Variants in CMTM7 observed in about 807,000 individuals in gnomAD.
CMTM7 encodes CKLF-like MARVEL transmembrane domain-containing protein 7.
CMTM7 carries 7 observed loss-of-function variants against 19.3 expected under a neutral mutation model. The observed-to-expected ratio is 0.36, with a 90% CI of 0.21 to 0.68. CMTM7 has a LOEUF of 0.68. Among genes scored for constraint, CMTM7 ranks in the 30% least tolerant of loss-of-function variants. The probability of loss-of-function intolerance (pLI) is 0.60; values close to 1 mark genes in which losing one functional copy is unlikely to be tolerated. For synonymous variants in CMTM7, 87 were observed against 99.3 expected (o/e 0.88, Z 0.74); for missense variants, 193 against 232.6 (o/e 0.83, Z 1.11).
rs185376456 is a variant in CMTM7 at position 32,446,687 on chromosome 3, C to G, written c.334-2767C>G. On this transcript the variant is annotated intron_variant, in intron 2 of 4. Transcript: ENST00000334983. ...ATGGGGGCAGATCCCTTGTGAATGA[C>G]TTGGTGCTGTTCTAGTGGTAATAAG... is the stretch of plus-strand genomic sequence containing the variant. 3.2e-4 allele frequency among the ~76,000 whole-genome samples: 48 copies of G among 152,218 alleles called. No individual in the cohort carries two copies. The East Asian group carries it at 8.3e-3, about 26-fold the overall frequency.
chr3:32,421,328 C>T (rs1286424733), intron 1 of CMTM7, among the ~76,000 whole-genome samples: 1 of 152,196 alleles, frequency 6.6e-6, no homozygotes, highest in Non-Finnish European at 1.5e-5. Flanking sequence ...CACCCCATCC[C>T]GCCAGCTTTG....
At chr3:32,396,090 T>C (rs1372975163) in intron 1 of CMTM7, among the ~76,000 whole-genome samples, 2 of 152,076 alleles carry the variant, frequency 1.3e-5, no homozygotes, top group African/African-American at 4.8e-5. Context: ...AATAGGCAAA[T>C]GCGTAGACAC....
At chr3:32,437,574 G>A (rs966918029) in intron 1 of CMTM7, among the ~76,000 whole-genome samples, 2 of 151,856 alleles carry the variant, frequency 1.3e-5, no homozygotes, top group Non-Finnish European at 1.5e-5. Flanking sequence ...TCCAGCCTGG[G>A]TGACAGAGTG....
At position 32,394,937 on chromosome 3, in the gene CMTM7, G is replaced by A. The variant is rs957052484; in HGVS notation, c.159+2872G>A. ...TCTTGATCTCTTGACCTCATGATCC[G>A]CCCCCGCCTCTGCCTCCCAAAGCGC... On this transcript the variant is annotated intron_variant, in intron 1 of 4. Transcript: ENST00000334983. Among the ~76,000 whole-genome samples, 9 of 151,244 alleles carry A rather than the reference G, an allele frequency of 6.0e-5. No individual in the cohort carries two copies. In the South Asian group the frequency reaches 1.7e-3, roughly 28 times the overall value.
chr3:32,450,688 G>A (rs1696816612), intron 3 of CMTM7, among the ~76,000 whole-genome samples: 1 of 152,152 alleles, frequency 6.6e-6, no homozygotes, highest in Non-Finnish European at 1.5e-5. Context: ...GTTGCCCCCT[G>A]AAGCTTAACA....
intron 1 of CMTM7, among the ~76,000 whole-genome samples, chr3:32,409,029 G>A (rs1041112488): frequency 6.6e-6 from 1 of 151,932 alleles, no homozygotes; most frequent in South Asian, 2.1e-4. Context: ...CTACAGTCAC[G>A]CGCCACCATG....
intron 1 of CMTM7, among the ~76,000 whole-genome samples, chr3:32,411,104 G>A (rs1238324171): frequency 6.6e-6 from 1 of 152,188 alleles, no homozygotes; most frequent in South Asian, 2.1e-4. Flanking sequence ...TGTGTCAGCC[G>A]CAGGGGATAC....
chr3:32,424,605 C>G (rs1696399028), intron 1 of CMTM7, among the ~76,000 whole-genome samples: 1 of 151,652 alleles, frequency 6.6e-6, no homozygotes, highest in African/African-American at 2.4e-5. Context: ...CCTCTTGCCC[C>G]CTCTCCCAGA....
At chr3:32,419,837 C>G (rs562559498) in intron 1 of CMTM7, among the ~76,000 whole-genome samples, 1 of 152,176 alleles carries the variant, frequency 6.6e-6, no homozygotes, top group Non-Finnish European at 1.5e-5. Flanking sequence ...GTTAATGACT[C>G]AACCCACTTT....
intron 1 of CMTM7, among the ~76,000 whole-genome samples, chr3:32,394,985 C>T (rs1695894236): frequency 2.0e-5 from 3 of 151,580 alleles, no homozygotes; most frequent in South Asian, 2.1e-4. Flanking sequence ...TGTGAGCTGC[C>T]GCGCTCGGCT....
Position 32,449,704 on chromosome 3 carries a change from G to A in CMTM7, c.432+152G>A, listed in dbSNP as rs1169825942. ...TCCAGCCATCAGCTCTCTCCAAAGA[G>A]CCTTAAGCAGAGGCGTACAGTCCCA... On this transcript the variant is annotated intron_variant, in intron 3 of 4. Transcript: ENST00000334983. The surrounding 1 kb of genome is among the most constrained non-coding windows in gnomAD (Gnocchi z 4.5). 3 of 682,846 alleles carry A rather than the reference G, an allele frequency of 4.4e-6. No homozygotes were observed. Among genetic ancestry groups the A allele is most frequent in the African/African-American group, 3.6e-5 (2 of 55,994 alleles). The allele number at this position is 682,846 out of a possible 1,614,324, so 42.3% of individuals were successfully genotyped here.
chr3:32,410,768 A>G (rs1438394177), intron 1 of CMTM7, among the ~76,000 whole-genome samples: 1 of 152,178 alleles, frequency 6.6e-6, no homozygotes, highest in Non-Finnish European at 1.5e-5. Context: ...TTTTTTCTTT[A>G]GTTGAGTTGA....
At chr3:32,447,873 A>G (rs947061793) in intron 2 of CMTM7, among the ~76,000 whole-genome samples, 2 of 152,118 alleles carry the variant, frequency 1.3e-5, no homozygotes, top group African/African-American at 4.8e-5. Flanking sequence ...CAATCTGACC[A>G]CCTCTGCATC....
At chr3:32,436,869 C>T (rs1017754758) in intron 1 of CMTM7, among the ~76,000 whole-genome samples, 20 of 152,208 alleles carry the variant, frequency 1.3e-4, no homozygotes, top group African/African-American at 4.8e-4. Flanking sequence ...CAATCAGAAG[C>T]CGACGTCTCT....
intron 1 of CMTM7, among the ~76,000 whole-genome samples, chr3:32,433,714 T>C (rs1371825050): frequency 6.6e-6 from 1 of 152,142 alleles, no homozygotes; most frequent in Non-Finnish European, 1.5e-5. Flanking sequence ...AAGAGTGTCA[T>C]GGAGCTGTCA....
chr3:32,455,497 CG>C lies in CMTM7; in HGVS notation c.*1247del, dbSNP rs1696893391. 1 of 152,354 alleles carries C rather than the reference CG, an allele frequency of 6.6e-6. No homozygotes were observed. Among genetic ancestry groups the C allele is most frequent in the Non-Finnish European group, 1.5e-5 (1 of 68,220 alleles). 9.4% of individuals were successfully genotyped at this position (152,354 alleles called of 1,614,324 possible). A position where few individuals can be genotyped will look rare whatever the true frequency, so the allele number is the denominator to read the frequency against. Reference sequence around the variant, plus strand: ...CTACTCTTGTGGCTGCTGGCCAGCTCGGGGCATCGGGTTCTGTCTGGGATGA... The same window carrying C: ...CTACTCTTGTGGCTGCTGGCCAGCTCGGGCATCGGGTTCTGTCTGGGATGA... On this transcript the variant is annotated 3_prime_UTR_variant, in exon 5 of 5. Transcript: ENST00000334983.
At chr3:32,444,512 C>CT (rs1426560541) in intron 2 of CMTM7, among the ~76,000 whole-genome samples, 1 of 152,146 alleles carries the variant, frequency 6.6e-6, no homozygotes, top group Non-Finnish European at 1.5e-5. Flanking sequence ...AATTATTCTT[C>CT]TTTTTTAGGA....
chr3:32,431,577 C>A (rs1194305883), intron 1 of CMTM7, among the ~76,000 whole-genome samples: 3 of 152,074 alleles, frequency 2.0e-5, no homozygotes, highest in African/African-American at 7.3e-5. Context: ...CCAGGTGGGA[C>A]CAGACAGAAT....
At chr3:32,426,650 TA>T (rs1696437806) in intron 1 of CMTM7, among the ~76,000 whole-genome samples, 1 of 152,216 alleles carries the variant, frequency 6.6e-6, no homozygotes, top group Admixed American at 6.5e-5. Flanking sequence ...TATTTTGTCA[TA>T]AGGCTAAACT....
Sources: gnomAD v4.1 joint callset for allele counts (sites outside exome capture counted in the v4.1 genomes callset) on GRCh38, gnomAD v4.1.1 for gene constraint, Gnocchi (gnomAD v3.1) non-coding constraint, MANE v1.5 for transcripts, NCBI Gene and HGNC (gene_info 2026-07-23, HGNC 2026-07-21) for gene names.